The following ATXN7L1 variants were observed in gnomAD, a reference collection of about 807,000 sequenced individuals.
ATXN7L1 encodes the protein ataxin 7 like 1.
A neutral mutation model predicts 70.8 loss-of-function variants in ATXN7L1; 15 were observed. That is an observed-to-expected ratio of 0.21 (90% CI 0.14 to 0.33). ATXN7L1 has a LOEUF of 0.33. ATXN7L1 is among the 10% of genes least tolerant of loss of function. The probability of loss-of-function intolerance (pLI) is 1.00; values close to 1 mark genes in which losing one functional copy is unlikely to be tolerated. For synonymous variants in ATXN7L1, 440 were observed against 445.1 expected, an observed-to-expected ratio of 0.99 and a Z score of 0.14; for missense variants, 975 against 1,097.1, an observed-to-expected ratio of 0.89 and a Z score of 1.57.
chr7:105,738,063 A>AG (rs1475643462), intron 3 of ATXN7L1, among the ~76,000 whole-genome samples: 1 of 152,238 alleles, frequency 6.6e-6, no homozygotes, highest in African/African-American at 2.4e-5. Flanking sequence ...ACCACCTAAA[A>AG]GGGGTGAGTG....
chr7:105,807,253 C>T (rs1338942059), intron 2 of ATXN7L1, among the ~76,000 whole-genome samples: 1 of 152,216 alleles, frequency 6.6e-6, no homozygotes, highest in African/African-American at 2.4e-5. Flanking sequence ...CTTGACCAGA[C>T]CCAGCTTAGA....
intron 3 of ATXN7L1, chr7:105,761,382 AC>A: frequency 6.2e-7 from 1 of 1,613,854 alleles, no homozygotes; most frequent in Non-Finnish European, 8.5e-7. Flanking sequence ...CCATTCTCAC[AC>A]CTGATGCTTC....
At chr7:105,733,347 T>C (rs1160988119) in intron 3 of ATXN7L1, among the ~76,000 whole-genome samples, 3 of 152,260 alleles carry the variant, frequency 2.0e-5, no homozygotes, top group Non-Finnish European at 2.9e-5. Flanking sequence ...GTTACCTACA[T>C]ACAAAGTATA....
intron 3 of ATXN7L1, among the ~76,000 whole-genome samples, chr7:105,745,162 T>A (rs963918170): frequency 2.6e-5 from 4 of 152,160 alleles, no homozygotes; most frequent in African/African-American, 9.7e-5. Context: ...AGAAAATACA[T>A]GTTGAAATAT....
intron 5 of ATXN7L1, among the ~76,000 whole-genome samples, chr7:105,641,214 C>CTCTTTTTTTTTTTTTTTTTTTTTT (rs1316374331): frequency 9.2e-5 from 2 of 21,794 alleles, no homozygotes; most frequent in Admixed American, 7.4e-4. Flanking sequence ...CTCTCTCTCT[C>CTCTTTTTTTTTTTTTTTTTTTTTT]TTTTTTTTTT....
intron 3 of ATXN7L1, among the ~76,000 whole-genome samples, chr7:105,774,518 A>AT (rs1802458132): frequency 6.6e-6 from 1 of 151,752 alleles, no homozygotes; most frequent in Non-Finnish European, 1.5e-5. Flanking sequence ...CACCTGGCTA[A>AT]TTTTTTGTAT....
chr7:105,799,869 A>G (rs1365781130), intron 2 of ATXN7L1, among the ~76,000 whole-genome samples: 1 of 152,202 alleles, frequency 6.6e-6, no homozygotes, highest in East Asian at 1.9e-4. Context: ...TTCTCCCAGG[A>G]ATGGGTGCTT....
At chr7:105,712,027 A>G (rs1445743106) in intron 3 of ATXN7L1, among the ~76,000 whole-genome samples, 1 of 152,254 alleles carries the variant, frequency 6.6e-6, no homozygotes, top group Non-Finnish European at 1.5e-5. Flanking sequence ...GCCCAACGTC[A>G]TGTGGAAGCT....
chr7:105,610,070 C>T (rs185516619), intron 11 of ATXN7L1, among the ~76,000 whole-genome samples: 29 of 152,262 alleles, frequency 1.9e-4, no homozygotes, highest in Admixed American at 6.5e-4. Flanking sequence ...CATGCCCGGC[C>T]GCAAGTCCCT....
intron 2 of ATXN7L1, among the ~76,000 whole-genome samples, chr7:105,801,601 C>T (rs1806832359): frequency 6.6e-6 from 1 of 150,960 alleles, no homozygotes; most frequent in Admixed American, 6.6e-5. Flanking sequence ...AAAGAGTGTT[C>T]TGTACATGTA....
chr7:105,660,348 T>A (rs576799054), intron 4 of ATXN7L1, among the ~76,000 whole-genome samples: 21 of 152,242 alleles, frequency 1.4e-4, no homozygotes, highest in African/African-American at 5.1e-4. Flanking sequence ...AACTTCATAA[T>A]CTGGGCCTCA....
chr7:105,762,958 A>G (rs930479964), intron 3 of ATXN7L1, among the ~76,000 whole-genome samples: 10 of 152,174 alleles, frequency 6.6e-5, no homozygotes, highest in Non-Finnish European at 1.0e-4. Flanking sequence ...GCCAACAGCC[A>G]TGTGAGGGAG....
chr7:105,742,478 T>C (rs1798121950), intron 3 of ATXN7L1, among the ~76,000 whole-genome samples: 2 of 152,238 alleles, frequency 1.3e-5, no homozygotes, highest in African/African-American at 4.8e-5. Context: ...ACTATGCTTA[T>C]GCTCATTTTA....
At chr7:105,837,881 C>T (rs1812643233) in intron 2 of ATXN7L1, among the ~76,000 whole-genome samples, 1 of 152,122 alleles carries the variant, frequency 6.6e-6, no homozygotes, top group African/African-American at 2.4e-5. Context: ...AAATGCCTGC[C>T]TCCCTCGTGA....
intron 3 of ATXN7L1, among the ~76,000 whole-genome samples, chr7:105,699,263 G>A (rs1792135719): frequency 6.6e-6 from 1 of 152,028 alleles, no homozygotes; most frequent in South Asian, 2.1e-4. Context: ...CTCCCAACTA[G>A]CTGGGATTAC....
chr7:105,743,522 A>C (rs1165822048), intron 3 of ATXN7L1, among the ~76,000 whole-genome samples: 2 of 152,202 alleles, frequency 1.3e-5, no homozygotes. Context: ...TGGAAAGTCA[A>C]GGAAGGGAGC....
intron 5 of ATXN7L1, among the ~76,000 whole-genome samples, chr7:105,641,214 CTTTTTTTTTTTTTTT>C (rs561100060): frequency 4.6e-5 from 1 of 21,786 alleles, no homozygotes; most frequent in African/African-American, 1.7e-4. Context: ...CTCTCTCTCT[CTTTTTTTTTTTTTTT>C]TTTTTTTTTT....
chr7:105,724,389 C>A (rs529995981), intron 3 of ATXN7L1, among the ~76,000 whole-genome samples: 3 of 151,132 alleles, frequency 2.0e-5, no homozygotes, highest in Admixed American at 6.6e-5. Context: ...GTCTGGCCAA[C>A]GTGGCAAAAC....
chr7:105,651,786 A>G (rs1799878844), intron 4 of ATXN7L1, among the ~76,000 whole-genome samples: 1 of 152,218 alleles, frequency 6.6e-6, no homozygotes, highest in African/African-American at 2.4e-5. Flanking sequence ...GAGGAACTCC[A>G]GCCTCCTCAT....
Sources: gnomAD v4.1 joint callset for allele counts (sites outside exome capture counted in the v4.1 genomes callset) on GRCh38, gnomAD v4.1.1 for gene constraint, MANE v1.5 for transcripts, NCBI Gene and HGNC (gene_info 2026-07-23, HGNC 2026-07-21) for gene names.